The following DIAPH3 variants were observed in gnomAD, a reference collection of about 807,000 sequenced individuals.
The protein encoded by DIAPH3 is protein diaphanous homolog 3.
A neutral mutation model predicts 144.3 loss-of-function variants in DIAPH3; 117 were observed. The ratio of observed to expected loss-of-function variants is 0.81; its 90% CI spans 0.70 to 0.95. The LOEUF (loss-of-function observed/expected upper bound fraction) is 0.95. Ranked by LOEUF, DIAPH3 falls within the 40% of genes least tolerant of loss-of-function variation. The pLI is 0.00. For synonymous variants in DIAPH3, 519 were observed against 488.9 expected (o/e 1.06, Z -0.81); for missense variants, 1,421 against 1,412.7 (o/e 1.01, Z -0.09).
chr13:59,745,668 G>GTA (rs542821019), intron 27 of DIAPH3, among the ~76,000 whole-genome samples: 259 of 152,280 alleles, frequency 1.7e-3, no homozygotes, highest in African/African-American at 6.0e-3. Context: ...CTGAAACAAT[G>GTA]TATTATACTA....
At chr13:59,686,938 C>A (rs536378094) in intron 27 of DIAPH3, among the ~76,000 whole-genome samples, 1 of 152,026 alleles carries the variant, frequency 6.6e-6, no homozygotes, top group Non-Finnish European at 1.5e-5. Context: ...AAAACAGTAA[C>A]GACTTCAGAG....
At chr13:59,958,395 C>G (rs1258754490) in intron 17 of DIAPH3, among the ~76,000 whole-genome samples, 1 of 151,968 alleles carries the variant, frequency 6.6e-6, no homozygotes. Context: ...AAAATAAAAA[C>G]TTTAAGATAA....
chr13:59,812,595 T>C (rs920317092), intron 24 of DIAPH3, among the ~76,000 whole-genome samples: 4 of 152,294 alleles, frequency 2.6e-5, no homozygotes, highest in African/African-American at 9.6e-5. Flanking sequence ...GGTCTCACTC[T>C]GACTTGATTC....
At chr13:60,042,924 T>G in intron 4 of DIAPH3, 104 bp from the exon 5 acceptor site, 1 of 1,351,438 alleles carries the variant, frequency 7.4e-7, no homozygotes, top group Non-Finnish European at 1.0e-6. Context: ...CTACTATAAT[T>G]AACACTATTT....
intron 17 of DIAPH3, among the ~76,000 whole-genome samples, chr13:59,965,937 G>T (rs543122259): frequency 1.3e-3 from 204 of 152,234 alleles, no homozygotes; most frequent in African/African-American, 4.5e-3. Context: ...AGGTATGAAA[G>T]AGGAGGTATG....
chr13:59,913,074 T>A (rs751478867), intron 19 of DIAPH3, among the ~76,000 whole-genome samples: 1 of 152,174 alleles, frequency 6.6e-6, no homozygotes, highest in East Asian at 1.9e-4. Context: ...AAAGACATGA[T>A]TATTTATATT....
chr13:59,943,950 G>A (rs2048673876), intron 17 of DIAPH3, among the ~76,000 whole-genome samples: 1 of 152,124 alleles, frequency 6.6e-6, no homozygotes, highest in African/African-American at 2.4e-5. Flanking sequence ...GGTAGCTCAT[G>A]CCTGCAAACC....
At chr13:59,895,805 A>G (rs2046060778) in intron 20 of DIAPH3, among the ~76,000 whole-genome samples, 2 of 152,208 alleles carry the variant, frequency 1.3e-5, no homozygotes, top group Non-Finnish European at 2.9e-5. Flanking sequence ...CCACAAGAAT[A>G]ATGAGCCAGA....
At chr13:60,040,080 C>CA (rs1444071629) in intron 5 of DIAPH3, among the ~76,000 whole-genome samples, 2 of 151,458 alleles carry the variant, frequency 1.3e-5, no homozygotes, top group Non-Finnish European at 2.9e-5. Context: ...ACTAAAAATA[C>CA]AAAAATTAGC....
intron 27 of DIAPH3, among the ~76,000 whole-genome samples, chr13:59,753,959 TA>T (rs2037138627): frequency 6.6e-6 from 1 of 152,128 alleles, no homozygotes; most frequent in African/African-American, 2.4e-5. Flanking sequence ...CCACCCCTTC[TA>T]AAACCCTCAT....
At chr13:60,108,260 T>G in intron 3 of DIAPH3, among the ~76,000 whole-genome samples, 1 of 152,210 alleles carries the variant, frequency 6.6e-6, no homozygotes, top group East Asian at 1.9e-4. Context: ...AAGGAATCCT[T>G]AACTCAGCAC....
intron 20 of DIAPH3, among the ~76,000 whole-genome samples, chr13:59,889,612 T>C (rs1054626117): frequency 1.3e-5 from 2 of 152,080 alleles, no homozygotes; most frequent in Admixed American, 6.6e-5. Flanking sequence ...ATTTTGGACT[T>C]CTTTTTTTCT....
At chr13:60,022,532 C>T (rs865908690) in intron 5 of DIAPH3, among the ~76,000 whole-genome samples, 1 of 152,152 alleles carries the variant, frequency 6.6e-6, no homozygotes, top group Non-Finnish European at 1.5e-5. Flanking sequence ...GTCAGCAGGG[C>T]TGCTGCCTGG....
intron 5 of DIAPH3, among the ~76,000 whole-genome samples, chr13:60,031,801 T>C (rs1322388832): frequency 7.8e-6 from 1 of 127,864 alleles, no homozygotes; most frequent in African/African-American, 3.0e-5. Context: ...TGGAGTGCAG[T>C]GGCACGATCT....
Position 59,697,366 on chromosome 13 carries a change from A to C in DIAPH3, c.3320-30520T>G, listed in dbSNP as rs546562921. ...TGCCAGCTGCTCAGGAGGCTGAGGCAAGGGAATGGCGTGAACTCGGGAGGC... is the reference window on the plus strand; with the variant it reads ...TGCCAGCTGCTCAGGAGGCTGAGGCCAGGGAATGGCGTGAACTCGGGAGGC... On this transcript the variant is annotated intron_variant, in intron 27 of 27. Transcript: ENST00000400324. 3.3e-3 allele frequency among the ~76,000 whole-genome samples: 484 copies of C among 145,780 alleles called. 5 individuals carry two copies. The highest frequency in any genetic ancestry group is 0.012 in the African/African-American group (465 of 40,056).
chr13:59,816,845 A>G (rs2040799804), intron 24 of DIAPH3, among the ~76,000 whole-genome samples: 1 of 151,972 alleles, frequency 6.6e-6, no homozygotes, highest in Non-Finnish European at 1.5e-5. Flanking sequence ...TTATATATGT[A>G]GGAACATTTG....
At chr13:60,137,364 G>A (rs1182390479) in intron 1 of DIAPH3, among the ~76,000 whole-genome samples, 1 of 152,172 alleles carries the variant, frequency 6.6e-6, no homozygotes, top group Non-Finnish European at 1.5e-5. Context: ...AGCTTTCAGA[G>A]AACTGTGCTA....
chr13:59,893,582 T>C (rs922827625), intron 20 of DIAPH3, among the ~76,000 whole-genome samples: 7 of 151,894 alleles, frequency 4.6e-5, no homozygotes, highest in Admixed American at 1.3e-4. Flanking sequence ...TTTATATCTA[T>C]CTTTAAAAGC....
intron 3 of DIAPH3, 81 bp from the exon 4 acceptor site, chr13:60,093,813 A>C: frequency 1.1e-6 from 1 of 898,744 alleles, no homozygotes; most frequent in Non-Finnish European, 1.8e-6. Context: ...GGAAAAATCA[A>C]TAATTTGTGA....
Sources: allele counts gnomAD v4.1 joint callset (sites outside exome capture counted in the v4.1 genomes callset), GRCh38; gene constraint gnomAD v4.1.1; transcripts MANE v1.5; gene names NCBI Gene and HGNC (gene_info 2026-07-23, HGNC 2026-07-21).